VPS13B: variants seen among roughly 807,000 people sequenced by gnomAD.
The protein encoded by VPS13B is intermembrane lipid transfer protein VPS13B.
In VPS13B, 285 loss-of-function variants were observed where a neutral mutation model predicts 426.4. The ratio of observed to expected loss-of-function variants is 0.67; its 90% CI spans 0.61 to 0.74. The LOEUF (loss-of-function observed/expected upper bound fraction) is 0.74, where lower values mean the gene tolerates loss of function less well. Ranked by LOEUF, VPS13B falls within the 30% of genes least tolerant of loss-of-function variation. The probability of loss-of-function intolerance (pLI) is 0.00; values close to 1 mark genes in which losing one functional copy is unlikely to be tolerated. For missense variants in VPS13B, 4,537 were observed against 4,782.6 expected, an observed-to-expected ratio of 0.95 and a Z score of 1.51; for synonymous variants, 1,676 against 1,676.4, an observed-to-expected ratio of 1.00 and a Z score of 0.01.
At chr8:99,015,329 G>A (rs893528002) in intron 2 of VPS13B, among the ~76,000 whole-genome samples, 17 of 148,712 alleles carry the variant, frequency 1.1e-4, no homozygotes, top group Non-Finnish European at 4.4e-5. Context: ...CCATTCTCCT[G>A]ACTCAGCCTC....
intron 19 of VPS13B, among the ~76,000 whole-genome samples, chr8:99,362,550 G>C (rs961259342): frequency 1.3e-5 from 2 of 152,062 alleles, no homozygotes; most frequent in Non-Finnish European, 2.9e-5. Flanking sequence ...ATGAAGTAAG[G>C]GAAAAATGGT....
chr8:99,831,765 A>T (rs1348387613), intron 51 of VPS13B, among the ~76,000 whole-genome samples: 1 of 152,236 alleles, frequency 6.6e-6, no homozygotes, highest in Non-Finnish European at 1.5e-5. Context: ...TATAGAGATG[A>T]TTTAAGTTAT....
chr8:99,532,017 C>T (rs1031991952), intron 30 of VPS13B, among the ~76,000 whole-genome samples: 5 of 151,890 alleles, frequency 3.3e-5, no homozygotes, highest in Non-Finnish European at 5.9e-5. Flanking sequence ...CTTTTTACTT[C>T]GGAGGTATTT....
chr8:99,491,806 A>C (rs1820617536), intron 25 of VPS13B, among the ~76,000 whole-genome samples: 1 of 152,190 alleles, frequency 6.6e-6, no homozygotes, highest in African/African-American at 2.4e-5. Context: ...ATGGGTTCGA[A>C]CATGCTCGTT....
At chr8:99,446,875 G>A (rs1817945514) in intron 23 of VPS13B, among the ~76,000 whole-genome samples, 2 of 152,078 alleles carry the variant, frequency 1.3e-5, no homozygotes, top group South Asian at 2.1e-4. Flanking sequence ...ATCTAAAACC[G>A]CAAATTAGTT....
chr8:99,485,536 A>T (rs1477478971), intron 25 of VPS13B, among the ~76,000 whole-genome samples: 1 of 152,168 alleles, frequency 6.6e-6, no homozygotes, highest in African/African-American at 2.4e-5. Flanking sequence ...AATGCTGTGG[A>T]GATTTTTCTG....
At chr8:99,466,893 C>T (rs1819137381) in intron 23 of VPS13B, among the ~76,000 whole-genome samples, 1 of 152,088 alleles carries the variant, frequency 6.6e-6, no homozygotes, top group Non-Finnish European at 1.5e-5. Context: ...GATCTATGGT[C>T]ATTTTCAGTA....
intron 23 of VPS13B, among the ~76,000 whole-genome samples, chr8:99,453,794 T>G (rs1588395528): frequency 6.6e-6 from 1 of 152,102 alleles, no homozygotes; most frequent in Non-Finnish European, 1.5e-5. Flanking sequence ...AGTTCATATA[T>G]CCCCTGCTCC....
At chr8:99,327,371 T>C (rs1810330980) in intron 19 of VPS13B, among the ~76,000 whole-genome samples, 1 of 152,336 alleles carries the variant, frequency 6.6e-6, no homozygotes, top group East Asian at 1.9e-4. Flanking sequence ...TTAGATTTAA[T>C]GTATTAATAA....
chr8:99,607,029 A>G (rs1029599572), intron 33 of VPS13B, among the ~76,000 whole-genome samples: 16 of 152,334 alleles, frequency 1.1e-4, no homozygotes, highest in African/African-American at 3.6e-4. Flanking sequence ...TTCAAGATCT[A>G]TAACCTTAAT....
intron 5 of VPS13B, among the ~76,000 whole-genome samples, chr8:99,103,493 C>CTTTTTTTT (rs71273162): frequency 6.1e-5 from 3 of 49,538 alleles, no homozygotes; most frequent in African/African-American, 1.8e-4. Context: ...CTATGCCCGG[C>CTTTTTTTT]TTTTTTTTTT....
intron 19 of VPS13B, among the ~76,000 whole-genome samples, chr8:99,286,256 G>A (rs1179537896): frequency 6.6e-6 from 1 of 152,134 alleles, no homozygotes; most frequent in Non-Finnish European, 1.5e-5. Context: ...ATTGTTCGCA[G>A]GTACATATTT....
intron 3 of VPS13B, among the ~76,000 whole-genome samples, chr8:99,082,424 C>A (rs898657108): frequency 6.6e-6 from 1 of 152,156 alleles, no homozygotes; most frequent in Non-Finnish European, 1.5e-5. Context: ...CCTGTTCACT[C>A]TGATGGTGGT....
At chr8:99,784,940 T>C (rs1812190108) in intron 43 of VPS13B, among the ~76,000 whole-genome samples, 1 of 152,178 alleles carries the variant, frequency 6.6e-6, no homozygotes, top group South Asian at 2.1e-4. Flanking sequence ...GTGTCCTTGG[T>C]AGCAGGCACA....
chr8:99,429,916 C>T (rs1192797793), intron 21 of VPS13B, among the ~76,000 whole-genome samples: 1 of 152,112 alleles, frequency 6.6e-6, no homozygotes, highest in Admixed American at 6.6e-5. Flanking sequence ...ATGACCTGGT[C>T]CCTATATATA....
At position 99,126,730 on chromosome 8, in the gene VPS13B, A is replaced by G. The variant is rs150923267; in HGVS notation, c.1206+5285A>G. ...GCTATATTTTGAACAATGCTGATGT[A>G]AATGTTCTGGTACAGATCTTCTGAC... On this transcript the variant is annotated intron_variant, in intron 8 of 61. Coordinates refer to ENST00000357162, the MANE Select transcript of VPS13B (RefSeq NM_152564.5). 6.3e-3 allele frequency among the ~76,000 whole-genome samples: 963 copies of G among 152,340 alleles called. 8 individuals are homozygous for G. Among genetic ancestry groups the G allele is most frequent in the African/African-American group, 0.022 (905 of 41,572 alleles).
chr8:99,037,692 G>A (rs1484460832), intron 2 of VPS13B, among the ~76,000 whole-genome samples: 1 of 152,070 alleles, frequency 6.6e-6, no homozygotes, highest in Non-Finnish European at 1.5e-5. Context: ...ATATCTAGAA[G>A]TGAGACAAAT....
intron 24 of VPS13B, among the ~76,000 whole-genome samples, chr8:99,476,600 GTTCA>G (rs1819703322): frequency 1.3e-5 from 2 of 152,012 alleles, no homozygotes; most frequent in Non-Finnish European, 2.9e-5. Flanking sequence ...GATACCTTAC[GTTCA>G]GGGGAACCAA....
At chr8:99,433,251 A>T (rs1388189772) in intron 22 of VPS13B, among the ~76,000 whole-genome samples, 3 of 152,174 alleles carry the variant, frequency 2.0e-5, no homozygotes, top group African/African-American at 7.2e-5. Context: ...ATGGGAAATG[A>T]TTCTGTGGCA....
Sources: gnomAD v4.1 joint callset for allele counts (sites outside exome capture counted in the v4.1 genomes callset) on GRCh38, gnomAD v4.1.1 for gene constraint, MANE v1.5 for transcripts, NCBI Gene and HGNC (gene_info 2026-07-23, HGNC 2026-07-21) for gene names.